Variants in ANK2 observed in about 807,000 individuals in gnomAD.
The protein encoded by ANK2 is ankyrin-2.
In ANK2, 83 loss-of-function variants were observed where a neutral mutation model predicts 360.5. The observed-to-expected ratio is 0.23, with a 90% CI of 0.19 to 0.28. ANK2 has a LOEUF of 0.28. Among genes scored for constraint, ANK2 ranks in the 10% least tolerant of loss-of-function variants. ANK2 has a pLI of 1.00. For synonymous variants in ANK2, 1,740 were observed against 1,759.5 expected (o/e 0.99, Z 0.28); for missense variants, 4,201 against 4,795.7 (o/e 0.88, Z 3.66).
In ANK2 at chr4:113,292,508, C is replaced by T. The variant is rs1419716679; in HGVS notation, c.2370C>T (p.Thr790=). The change falls in exon 21 of 46, where the codon ACC becomes ACT. Residue 790 remains threonine (T), a synonymous_variant. Transcript: ENST00000357077. ...LLQHGAKPNA[T]TANGNTALAI... ...AGCATGGGGCCAAGCCCAACGCCAC[C>T]ACTGCGGTAAGGCAGACGCCACTGC... 3 of 1,608,442 alleles carry T rather than the reference C, an allele frequency of 1.9e-6. No homozygotes were observed. In the Admixed American group the frequency reaches 5.0e-5, roughly 27 times the overall value.
intron 1 of ANK2, among the ~76,000 whole-genome samples, chr4:113,053,314 A>T (rs2068003994): frequency 6.6e-6 from 1 of 152,194 alleles, no homozygotes; most frequent in Admixed American, 6.5e-5. Context: ...CCCAAAGAAA[A>T]TAAATTGTAG....
Position 113,353,663 on chromosome 4 carries a change from T to C in ANK2, c.5045T>C (p.Ile1682Thr). The C allele has an allele frequency of 6.2e-7, 1 of 1,613,824 alleles. No homozygotes were observed. The highest frequency in any genetic ancestry group is 8.5e-7 in the Non-Finnish European group (1 of 1,179,956). Residue 1682 changes from isoleucine to threonine, a missense_variant, in exon 38 of 46, where the codon ATA becomes ACA. Ile to Thr is a moderately conservative substitution (Grantham distance 89, BLOSUM62 -1). Around this residue, in one of 4 missense-constraint regions of ANK2, gnomAD observed 2,642 missense variants for 2,714.5 expected, o/e 0.97. Transcript: ENST00000357077. ...AGCTCTGAAAAGGAAGGGAAAGACA[T>C]ACCCCCAGATGAGACACAGAGTACA... ...GRSSEKEGKD[I>T]PPDETQSTQK...
chr4:113,102,222 T>C (rs995647042), intron 1 of ANK2, among the ~76,000 whole-genome samples: 2 of 151,842 alleles, frequency 1.3e-5, no homozygotes, highest in African/African-American at 4.8e-5. Flanking sequence ...AAAGTGTACA[T>C]GGAAGATATA....
chr4:112,801,527 C>A, the ANK2 span, among the ~76,000 whole-genome samples: 1 of 152,042 alleles, frequency 6.6e-6, no homozygotes, highest in Non-Finnish European at 1.5e-5. Flanking sequence ...TGTGGTTACA[C>A]AAAAAGAGAC....
intron 2 of ANK2, among the ~76,000 whole-genome samples, chr4:113,021,530 C>CCACACCCA (rs1554056652): frequency 7.6e-5 from 1 of 13,088 alleles, no homozygotes; most frequent in Non-Finnish European, 1.8e-4. Context: ...ACACACACAC[C>CCACACCCA]CACACACAAA....
At chr4:113,134,910 A>G (rs1159599170) in intron 1 of ANK2, among the ~76,000 whole-genome samples, 3 of 152,194 alleles carry the variant, frequency 2.0e-5, no homozygotes, top group Non-Finnish European at 1.5e-5. Context: ...TAAAAATTGG[A>G]AATTCTAATT....
At chr4:112,971,684 T>C (rs2039579873) in intron 2 of ANK2, among the ~76,000 whole-genome samples, 1 of 152,188 alleles carries the variant, frequency 6.6e-6, no homozygotes, top group South Asian at 2.1e-4. Flanking sequence ...GAACATTTTT[T>C]CTTTTAAGAG....
At chr4:113,294,039 C>A (rs779475518) in intron 22 of ANK2, among the ~76,000 whole-genome samples, 4 of 152,168 alleles carry the variant, frequency 2.6e-5, no homozygotes, top group Non-Finnish European at 4.4e-5. Flanking sequence ...TTTTTTAATT[C>A]AAAAAGAGAA....
At chr4:113,120,156 A>G (rs987896722) in intron 1 of ANK2, among the ~76,000 whole-genome samples, 1 of 152,134 alleles carries the variant, frequency 6.6e-6, no homozygotes, top group African/African-American at 2.4e-5. Flanking sequence ...TATCTATTGT[A>G]TGTGTCATAC....
intron 1 of ANK2, among the ~76,000 whole-genome samples, chr4:112,853,917 A>G (rs1403795288): frequency 7.2e-5 from 11 of 152,212 alleles, no homozygotes; most frequent in African/African-American, 2.7e-4. Flanking sequence ...CAATCAATAA[A>G]CAAACGTTTA....
intron 4 of ANK2, among the ~76,000 whole-genome samples, chr4:113,209,950 C>T (rs1489949812): frequency 6.6e-6 from 1 of 152,146 alleles, no homozygotes; most frequent in East Asian, 1.9e-4. Context: ...GTCCTCCGTT[C>T]CCCCTTACCA....
At chr4:112,857,372 G>A (rs2066695906) in intron 1 of ANK2, among the ~76,000 whole-genome samples, 1 of 152,098 alleles carries the variant, frequency 6.6e-6, no homozygotes. Flanking sequence ...GTTTATGTAA[G>A]GTTGTTTACC....
intron 29 of ANK2, among the ~76,000 whole-genome samples, chr4:113,334,495 G>C (rs940323889): frequency 6.6e-6 from 1 of 151,556 alleles, no homozygotes; most frequent in Non-Finnish European, 1.5e-5. Context: ...ATTTAAAAAT[G>C]AGCTTTTTAC....
At chr4:112,912,131 C>T (rs1194244558) in intron 2 of ANK2, among the ~76,000 whole-genome samples, 2 of 150,710 alleles carry the variant, frequency 1.3e-5, no homozygotes, top group Admixed American at 6.6e-5. Context: ...GAGCCAAGAT[C>T]GTGCCACTGC....
intron 1 of ANK2, among the ~76,000 whole-genome samples, chr4:113,123,765 G>C (rs984829011): frequency 2.0e-5 from 3 of 152,026 alleles, no homozygotes; most frequent in Non-Finnish European, 4.4e-5. Context: ...TTCCAACCAG[G>C]GTTGGAAATG....
At chr4:112,935,471 G>C (rs2093648486) in intron 2 of ANK2, among the ~76,000 whole-genome samples, 1 of 152,012 alleles carries the variant, frequency 6.6e-6, no homozygotes, top group South Asian at 2.1e-4. Context: ...TCATCTGTCT[G>C]GTGTCTTTTC....
intron 1 of ANK2, among the ~76,000 whole-genome samples, chr4:112,883,931 C>CT (rs1204469046): frequency 2.0e-5 from 3 of 148,994 alleles, no homozygotes; most frequent in Non-Finnish European, 1.5e-5. Flanking sequence ...TCTTTTTCAC[C>CT]TGGGCCTGAT....
chr4:112,723,061 A>T, the ANK2 span, among the ~76,000 whole-genome samples: 1 of 152,180 alleles, frequency 6.6e-6, no homozygotes. Context: ...ATCCAACGAA[A>T]CTAAGTTTTG....
chr4:112,776,833 T>C, the ANK2 span, among the ~76,000 whole-genome samples: 1 of 152,316 alleles, frequency 6.6e-6, no homozygotes, highest in East Asian at 1.9e-4. Flanking sequence ...GAATCCCATA[T>C]ATTTGGTCTT....
Sources: allele counts gnomAD v4.1 joint callset (sites outside exome capture counted in the v4.1 genomes callset), GRCh38; gene constraint gnomAD v4.1.1; regional missense constraint gnomAD v4.1.1; transcripts MANE v1.5; gene names NCBI Gene and HGNC (gene_info 2026-07-23, HGNC 2026-07-21).